The following ELF2 variants were observed in gnomAD, a reference collection of about 807,000 sequenced individuals.
The protein encoded by ELF2 is E74 like ETS transcription factor 2, also known as ETS-related transcription factor Elf-2.
In ELF2, 11 loss-of-function variants were observed where a neutral mutation model predicts 54.8. The observed-to-expected ratio is 0.20, with a 90% CI of 0.13 to 0.33. The LOEUF (loss-of-function observed/expected upper bound fraction) is 0.33, where lower values mean the gene tolerates loss of function less well. ELF2 is among the 10% of genes least tolerant of loss of function. The pLI is 1.00. For synonymous variants in ELF2, 203 were observed against 245.1 expected (o/e 0.83, Z 1.61); for missense variants, 513 against 703.0 (o/e 0.73, Z 3.06).
At chr4:139,118,304 T>TA (rs1053564334) in intron 4 of ELF2, among the ~76,000 whole-genome samples, 4 of 151,676 alleles carry the variant, frequency 2.6e-5, no homozygotes, top group African/African-American at 9.7e-5. Context: ...ACAGATCAGG[T>TA]AAGGGGATGT....
At chr4:139,170,951 G>C (rs545056494) in intron 1 of ELF2, among the ~76,000 whole-genome samples, 86 of 152,004 alleles carry the variant, frequency 5.7e-4, no homozygotes, top group African/African-American at 1.9e-3. Flanking sequence ...TTACCATGCT[G>C]ACCAGGCTGG....
chr4:139,103,274 G>A (rs1181294032), intron 4 of ELF2, among the ~76,000 whole-genome samples: 3 of 152,172 alleles, frequency 2.0e-5, no homozygotes, highest in Non-Finnish European at 4.4e-5. Context: ...AGTAGTAAGT[G>A]TTCTTTTGTG....
At chr4:139,094,756 G>A (rs1733060376) in intron 4 of ELF2, among the ~76,000 whole-genome samples, 1 of 152,046 alleles carries the variant, frequency 6.6e-6, no homozygotes, top group Admixed American at 6.5e-5. Flanking sequence ...TTAAAGTAAT[G>A]TCATTTTAAA....
chr4:139,060,378 G>A lies in ELF2; in HGVS notation c.1103C>T (p.Ala368Val), dbSNP rs753320920. Residue 368 changes from alanine to valine, a missense_variant, in exon 9 of 10, where the codon GCT becomes GTT. By Grantham distance (64) the Ala-to-Val change is moderately conservative. Around this residue, in one of 3 missense-constraint regions of ELF2, gnomAD observed 291 missense variants for 366.1 expected, o/e 0.79. Transcript: ENST00000686138. ...VVNITSPGHD[A>V]SSRSPTTTAS... ...AGTGGTAGTAGGAGACCTGGATGAA[G>A]CATCGTGCCCAGGGGAAGTGATATT... 12 of 1,613,938 alleles carry A rather than the reference G, an allele frequency of 7.4e-6. No individual in the cohort carries two copies. Among genetic ancestry groups the A allele is most frequent in the Middle Eastern group, 3.3e-4 (2 of 5,972 alleles).
chr4:139,138,046 A>C (rs1308984751), intron 2 of ELF2, among the ~76,000 whole-genome samples, 179 bp from the exon 3 acceptor site: 2 of 152,248 alleles, frequency 1.3e-5, no homozygotes, highest in African/African-American at 4.8e-5. Context: ...TTAGTAATCA[A>C]GTTCATGAAC....
chr4:139,141,004 TTGCTGCC>T (rs1738646914), intron 1 of ELF2, among the ~76,000 whole-genome samples: 1 of 152,182 alleles, frequency 6.6e-6, no homozygotes, highest in Non-Finnish European at 1.5e-5. Context: ...TTCATAGGAC[TTGCTGCC>T]TCTGAAGCAT....
At chr4:139,171,631 T>A (rs1459785483) in intron 1 of ELF2, among the ~76,000 whole-genome samples, 2 of 148,260 alleles carry the variant, frequency 1.3e-5, no homozygotes, top group Non-Finnish European at 1.5e-5. Flanking sequence ...CACAACAAAT[T>A]AACAAAATCA....
intron 8 of ELF2, among the ~76,000 whole-genome samples, chr4:139,061,332 A>G (rs11725229): frequency 1 from 152,131 of 152,186 alleles, 76,038 homozygotes; most frequent in Non-Finnish European, 1. Flanking sequence ...GCGCCACCAG[A>G]CCCGGCTAAT....
intron 1 of ELF2, among the ~76,000 whole-genome samples, chr4:139,147,157 C>T (rs959829076): frequency 3.3e-5 from 5 of 152,090 alleles, no homozygotes; most frequent in African/African-American, 1.2e-4. Context: ...GGACCAACGT[C>T]CAGAATCCAC....
At chr4:139,164,725 A>G (rs1375274355) in intron 1 of ELF2, among the ~76,000 whole-genome samples, 1 of 152,206 alleles carries the variant, frequency 6.6e-6, no homozygotes, top group Non-Finnish European at 1.5e-5. Context: ...AAAAATTGCA[A>G]GAGGTTTTTA....
chr4:139,137,097 A>G (rs1396288219), intron 3 of ELF2: 1 of 152,470 alleles, frequency 6.6e-6, no homozygotes, highest in Non-Finnish European at 1.5e-5. Flanking sequence ...CAAATATGCT[A>G]ATGATTCAAA....
At chr4:139,114,471 A>AG (rs1735320544) in intron 4 of ELF2, among the ~76,000 whole-genome samples, 1 of 151,692 alleles carries the variant, frequency 6.6e-6, no homozygotes, top group East Asian at 2.0e-4. Flanking sequence ...CAGGAGGCTG[A>AG]GGCAGGAGAA....
At chr4:139,139,879 A>G (rs1279100563) in intron 1 of ELF2, among the ~76,000 whole-genome samples, 1 of 152,098 alleles carries the variant, frequency 6.6e-6, no homozygotes, top group East Asian at 1.9e-4. Flanking sequence ...GTATAAAATC[A>G]AGTTTGAAAA....
chr4:139,102,342 G>A (rs1249463585), intron 4 of ELF2: 2 of 133,376 alleles, frequency 1.5e-5, no homozygotes, highest in African/African-American at 2.7e-5. Context: ...CTAACACAGT[G>A]AAACCCGGTC....
At chr4:139,116,778 AG>A (rs1735763140) in intron 4 of ELF2, 1 of 966,586 alleles carries the variant, frequency 1.0e-6, no homozygotes. Context: ...TTCTAATTAA[AG>A]GAGTCCTTTT....
chr4:139,165,141 A>G (rs1246203736), intron 1 of ELF2, among the ~76,000 whole-genome samples: 1 of 152,162 alleles, frequency 6.6e-6, no homozygotes, highest in Non-Finnish European at 1.5e-5. Flanking sequence ...TGTCTTTATT[A>G]GGGTTTTTGG....
At chr4:139,072,420 C>T (rs1299418387) in intron 5 of ELF2, among the ~76,000 whole-genome samples, 4 of 151,946 alleles carry the variant, frequency 2.6e-5, no homozygotes, top group Admixed American at 6.6e-5. Context: ...TCCACATATC[C>T]GTCATTATTT....
At chr4:139,130,863 C>T (rs1560846126) in intron 3 of ELF2, among the ~76,000 whole-genome samples, 5 of 152,104 alleles carry the variant, frequency 3.3e-5, no homozygotes, top group Non-Finnish European at 1.5e-5. Flanking sequence ...TCTATGGAGG[C>T]AAGTAACTTC....
chr4:139,151,090 A>AAG (rs1553971410), intron 1 of ELF2, among the ~76,000 whole-genome samples: 1 of 148,666 alleles, frequency 6.7e-6, no homozygotes, highest in Non-Finnish European at 1.5e-5. Flanking sequence ...GAAAGAAAGA[A>AAG]AGAAAAAGAG....
Sources: allele counts gnomAD v4.1 joint callset (sites outside exome capture counted in the v4.1 genomes callset), GRCh38; gene constraint gnomAD v4.1.1; regional missense constraint gnomAD v4.1.1; transcripts MANE v1.5; gene names NCBI Gene and HGNC (gene_info 2026-07-23, HGNC 2026-07-21).